The following ZFHX3 variants were observed in gnomAD, a reference collection of about 807,000 sequenced individuals.
The protein encoded by ZFHX3 is zinc finger homeobox protein 3.
In ZFHX3, 42 loss-of-function variants were observed where a neutral mutation model predicts 279.1. That is an observed-to-expected ratio of 0.15 (90% CI 0.12 to 0.19). The LOEUF is 0.19. Ranked by LOEUF, ZFHX3 falls within the 10% of genes least tolerant of loss-of-function variation. The pLI, the probability that ZFHX3 is intolerant of heterozygous loss-of-function variation, is 1.00. For missense variants in ZFHX3, 4,981 were observed against 4,754.0 expected, an observed-to-expected ratio of 1.05 and a Z score of -1.40; for synonymous variants, 2,293 against 1,957.8, an observed-to-expected ratio of 1.17 and a Z score of -4.52.
chr16:72,867,636 T>G (rs1371660778), intron 4 of ZFHX3, among the ~76,000 whole-genome samples: 1 of 152,180 alleles, frequency 6.6e-6, no homozygotes, highest in Admixed American at 6.5e-5. Context: ...GATTGGATCA[T>G]CTATTTTTGC....
At position 72,796,135 on chromosome 16, in the gene ZFHX3, C is replaced by T. The variant is rs764149711; in HGVS notation, c.6547G>A (p.Gly2183Arg). The T allele has an allele frequency of 4.3e-6, 7 of 1,614,002 alleles. No homozygotes were observed. Among genetic ancestry groups the T allele is most frequent in the East Asian group, 4.5e-5 (2 of 44,876 alleles). Residue 2183 changes from glycine (G) to arginine (R), a missense_variant, in exon 9 of 10, where the codon GGG becomes AGG. Coordinates refer to ENST00000268489, the MANE Select transcript of ZFHX3 (RefSeq NM_006885.4). Reference protein sequence around the residue: ...EQIKEMADKSGLPQKVIKHWF... With the variant: ...EQIKEMADKSRLPQKVIKHWF... ...TGCTTGATCACTTTCTGGGGCAACC[C>T]GGACTTGTCTGCCATCTCTTTTATT... is the stretch of plus-strand genomic sequence containing the variant.
chr16:73,850,402 G>A (rs140512073), intron 1 of ZFHX3, among the ~76,000 whole-genome samples: 1 of 152,240 alleles, frequency 6.6e-6, no homozygotes, highest in African/African-American at 2.4e-5. Flanking sequence ...GATTTTGGTG[G>A]GAAATCAAGA....
intron 3 of ZFHX3, among the ~76,000 whole-genome samples, chr16:73,452,317 A>T (rs569517258): frequency 6.6e-6 from 1 of 152,308 alleles, no homozygotes; most frequent in Non-Finnish European, 1.5e-5. Flanking sequence ...TCTCACTGAA[A>T]CATTAATGAG....
intron 6 of ZFHX3, among the ~76,000 whole-genome samples, chr16:73,138,240 A>G (rs530963807): frequency 5.8e-4 from 88 of 152,206 alleles, no homozygotes; most frequent in Non-Finnish European, 8.5e-4. Flanking sequence ...GACAAATTAA[A>G]ACATTGCAAT....
At chr16:72,815,977 A>G (rs1352385795) in intron 5 of ZFHX3, among the ~76,000 whole-genome samples, 2 of 152,236 alleles carry the variant, frequency 1.3e-5, no homozygotes, top group Admixed American at 1.3e-4. Context: ...AGACATTAAA[A>G]CTGATTGCTA....
intron 2 of ZFHX3, among the ~76,000 whole-genome samples, chr16:73,640,477 C>T (rs1228908577): frequency 1.3e-5 from 2 of 152,036 alleles, no homozygotes; most frequent in Non-Finnish European, 1.5e-5. Context: ...AAAAGAAAAA[C>T]TTCAAGTAGA....
intron 2 of ZFHX3, among the ~76,000 whole-genome samples, chr16:73,522,547 G>A (rs929729893): frequency 1.3e-5 from 2 of 152,158 alleles, no homozygotes; most frequent in Non-Finnish European, 2.9e-5. Context: ...GGTTACTTGG[G>A]AGAGGGGAAC....
At chr16:73,820,376 G>A (rs1293317166) in intron 1 of ZFHX3, among the ~76,000 whole-genome samples, 1 of 152,152 alleles carries the variant, frequency 6.6e-6, no homozygotes, top group Non-Finnish European at 1.5e-5. Flanking sequence ...CCCGGCCTGG[G>A]AGTAACTCTT....
chr16:73,671,355 C>T (rs1386022434), intron 2 of ZFHX3, among the ~76,000 whole-genome samples: 3 of 152,102 alleles, frequency 2.0e-5, no homozygotes, highest in Non-Finnish European at 4.4e-5. Context: ...CAGTGGCCTT[C>T]GAGAATCCAG....
chr16:73,337,414 T>C (rs929929452), intron 3 of ZFHX3, among the ~76,000 whole-genome samples: 2 of 152,156 alleles, frequency 1.3e-5, no homozygotes, highest in African/African-American at 4.8e-5. Flanking sequence ...CCAAATACCA[T>C]AGTGCCAGGA....
chr16:72,927,073 A>C (rs80188314), intron 3 of ZFHX3, among the ~76,000 whole-genome samples: 1 of 152,340 alleles, frequency 6.6e-6, no homozygotes, highest in East Asian at 1.9e-4. Flanking sequence ...ATCTATTTCC[A>C]TATTTCTTCC....
intron 8 of ZFHX3, among the ~76,000 whole-genome samples, chr16:73,083,770 T>C (rs1965977288): frequency 6.6e-6 from 1 of 152,162 alleles, no homozygotes; most frequent in African/African-American, 2.4e-5. Context: ...GCTCAAGCGA[T>C]CTGCCCGCCT....
At chr16:72,833,085 G>A (rs967575988) in intron 4 of ZFHX3, among the ~76,000 whole-genome samples, 5 of 152,212 alleles carry the variant, frequency 3.3e-5, no homozygotes, top group Non-Finnish European at 5.9e-5. Flanking sequence ...TGCAGGCAGG[G>A]TGTGTTTTAT....
chr16:73,448,685 C>CGTGTGTGTGTGTGT lies in ZFHX3; in HGVS notation c.-1291+7304_-1291+7317dup, dbSNP rs71156167. Among the ~76,000 whole-genome samples the CGTGTGTGTGTGTGT allele has an allele frequency of 9.1e-4, 130 of 142,150 alleles. 2 individuals are homozygous for CGTGTGTGTGTGTGT. Among genetic ancestry groups the CGTGTGTGTGTGTGT allele is most frequent in the African/African-American group, 2.5e-3 (96 of 38,276 alleles). 93.3% of individuals were successfully genotyped at this position (142,150 alleles called of 152,430 possible). A position where few individuals can be genotyped will look rare whatever the true frequency, so the allele number is the denominator to read the frequency against. ...AAAGGGGAAGGTGTATATTTATATACGTGTGTGTGTGTGTGTGTGTGTGTG... is the reference window on the plus strand; with the variant it reads ...AAAGGGGAAGGTGTATATTTATATACGTGTGTGTGTGTGTGTGTGTGTGTGTGTGTGTGTGTGTG... On this transcript the variant is annotated intron_variant, in intron 3 of 17. Transcript: ENST00000641206.
At chr16:72,812,910 T>G (rs1270917425) in intron 5 of ZFHX3, among the ~76,000 whole-genome samples, 1 of 152,216 alleles carries the variant, frequency 6.6e-6, no homozygotes, top group African/African-American at 2.4e-5. Context: ...TCTTCTCTAT[T>G]TTTAACCCCA....
chr16:73,121,225 T>C (rs745857832), intron 7 of ZFHX3, among the ~76,000 whole-genome samples: 34 of 152,226 alleles, frequency 2.2e-4, no homozygotes, highest in Non-Finnish European at 4.4e-4. Context: ...GGCATACAAA[T>C]TGAGATGTAC....
chr16:73,603,720 G>A (rs539718578), intron 2 of ZFHX3, among the ~76,000 whole-genome samples: 4 of 150,724 alleles, frequency 2.7e-5, no homozygotes, highest in Non-Finnish European at 4.4e-5. Context: ...ATTATGAAAT[G>A]GAATATTTTG....
chr16:73,256,334 A>G (rs573500678), intron 5 of ZFHX3, among the ~76,000 whole-genome samples: 1 of 152,264 alleles, frequency 6.6e-6, no homozygotes, highest in East Asian at 1.9e-4. Context: ...ATAGAAGATG[A>G]TTCTATTTGT....
chr16:73,692,575 A>G (rs2053160009), intron 1 of ZFHX3, among the ~76,000 whole-genome samples: 1 of 152,228 alleles, frequency 6.6e-6, no homozygotes, highest in Admixed American at 6.5e-5. Context: ...TTTAACTGCA[A>G]GAATTACTCT....
Sources: gnomAD v4.1 joint callset for allele counts (sites outside exome capture counted in the v4.1 genomes callset) on GRCh38, gnomAD v4.1.1 for gene constraint, MANE v1.5 for transcripts, NCBI Gene and HGNC (gene_info 2026-07-23, HGNC 2026-07-21) for gene names.